GALM: variants seen among roughly 807,000 people sequenced by gnomAD.
The protein encoded by GALM is galactose mutarotase.
In GALM, 43 loss-of-function variants were observed where a neutral mutation model predicts 37.4. The observed-to-expected ratio is 1.15, with a 90% CI of 0.90 to 1.48. GALM has a LOEUF of 1.48. GALM is among the 40% of genes most tolerant of loss of function. GALM has a pLI of 0.00. For missense variants in GALM, 456 were observed against 419.1 expected, an observed-to-expected ratio of 1.09 and a Z score of -0.77; for synonymous variants, 199 against 170.6, an observed-to-expected ratio of 1.17 and a Z score of -1.30.
intron 3 of GALM, among the ~76,000 whole-genome samples, chr2:38,687,201 A>T (rs1236223088): frequency 6.6e-6 from 1 of 152,220 alleles, no homozygotes; most frequent in Non-Finnish European, 1.5e-5. Flanking sequence ...GCATGCGAGG[A>T]TGGCAGGAGA....
intron 4 of GALM, among the ~76,000 whole-genome samples, chr2:38,708,127 T>TAAAA (rs746452577): frequency 5.3e-4 from 78 of 148,550 alleles, no homozygotes; most frequent in Non-Finnish European, 1.1e-3. Flanking sequence ...TAAAATAAAA[T>TAAAA]AAAATAAAAT....
intron 4 of GALM, among the ~76,000 whole-genome samples, chr2:38,709,310 A>G (rs913885010): frequency 1.3e-5 from 2 of 152,156 alleles, no homozygotes; most frequent in Non-Finnish European, 2.9e-5. Flanking sequence ...GGGTAACTGA[A>G]AGGTGAACTT....
chr2:38,699,914 G>C (rs1665881827), intron 4 of GALM, among the ~76,000 whole-genome samples: 1 of 152,184 alleles, frequency 6.6e-6, no homozygotes, highest in African/African-American at 2.4e-5. Context: ...TCTGTTGGAT[G>C]AAATGTTCTG....
rs1043816206 is a variant in GALM, at chr2:38,697,436, C to T, written c.634+7542C>T. On this transcript the variant is annotated intron_variant, in intron 4 of 6. Coordinates refer to ENST00000272252, the MANE Select transcript of GALM (RefSeq NM_138801.3). ...TCCCTTTTGTGGCTATTAATTTATACTTATATGTTTTTCAACTCCTTATTT... is the reference window on the plus strand; with the variant it reads ...TCCCTTTTGTGGCTATTAATTTATATTTATATGTTTTTCAACTCCTTATTT... 9.9e-5 allele frequency among the ~76,000 whole-genome samples: 15 copies of T among 152,210 alleles called. No homozygotes were observed. The East Asian group carries it at 1.3e-3, about 14-fold the overall frequency.
chr2:38,703,054 T>TTTTATATGTATATATATATATATA (rs1217839668), intron 4 of GALM, among the ~76,000 whole-genome samples: 1 of 13,944 alleles, frequency 7.2e-5, no homozygotes, highest in African/African-American at 2.0e-4. Flanking sequence ...ATGTGGGATT[T>TTTTATATGTATATATATATATATA]TATATATATA....
chr2:38,674,800 A>T (rs1665201502), intron 1 of GALM, among the ~76,000 whole-genome samples: 1 of 152,210 alleles, frequency 6.6e-6, no homozygotes, highest in East Asian at 1.9e-4. Context: ...CTTCAACCAT[A>T]GTTTTGCTTC....
At chr2:38,700,217 A>G (rs530562096) in intron 4 of GALM, among the ~76,000 whole-genome samples, 2 of 152,184 alleles carry the variant, frequency 1.3e-5, no homozygotes, top group East Asian at 1.9e-4. Flanking sequence ...CTCCCAACGT[A>G]CTAGGATAAC....
chr2:38,695,733 G>A (rs889747348), intron 4 of GALM, among the ~76,000 whole-genome samples: 6 of 152,282 alleles, frequency 3.9e-5, no homozygotes, highest in African/African-American at 1.4e-4. Context: ...TCACTCTGTT[G>A]CCCAGGCTGG....
chr2:38,733,785 G>A lies in GALM; in HGVS notation c.*220G>A, dbSNP rs3731838. ...GCTCGATTCCCTGTGCAGTTCAGAG[G>A]GCAAGTGAACCCAACCAACAATGTC... On this transcript the variant is annotated 3_prime_UTR_variant, in exon 7 of 7. Transcript: ENST00000272252. 317,483 of 532,322 alleles carry A rather than the reference G, an allele frequency of 0.6. 89,364 individuals carry two copies. Among genetic ancestry groups the A allele is most frequent in the East Asian group, 0.87 (24,493 of 28,178 alleles). 33.0% of individuals were successfully genotyped at this position (532,322 alleles called of 1,614,324 possible).
chr2:38,729,748 C>A lies in GALM; in HGVS notation c.776+51C>A, dbSNP rs778897242. The A allele has an allele frequency of 2.0e-6, 3 of 1,504,804 alleles. No homozygotes were observed. The East Asian group carries it at 6.9e-5, about 35-fold the overall frequency. 93.2% of individuals were successfully genotyped at this position (1,504,804 alleles called of 1,614,324 possible). ...CTGTAAGGAAGAAATGACACCAAGTCCTATTTTCCTTTGGAGCTTTTCCTC... is the reference window on the plus strand; with the variant it reads ...CTGTAAGGAAGAAATGACACCAAGTACTATTTTCCTTTGGAGCTTTTCCTC... On this transcript the variant is annotated intron_variant, in intron 5 of 6. Coordinates refer to ENST00000272252, the MANE Select transcript of GALM (RefSeq NM_138801.3).
chr2:38,724,425 G>C (rs559584953), intron 4 of GALM, among the ~76,000 whole-genome samples: 1 of 152,316 alleles, frequency 6.6e-6, no homozygotes, highest in South Asian at 2.1e-4. Flanking sequence ...GAATATTCTT[G>C]AACGATCAAT....
At chr2:38,680,339 AAATAAACTCTTCTTCAT>A (rs1322733458) in intron 2 of GALM, among the ~76,000 whole-genome samples, 1 of 152,196 alleles carries the variant, frequency 6.6e-6, no homozygotes, top group Non-Finnish European at 1.5e-5. Context: ...AAAACTTTAA[AAATAAACTCTTCTTCAT>A]ACTTTTTTTT....
At chr2:38,701,843 T>C (rs760763998) in intron 4 of GALM, among the ~76,000 whole-genome samples, 1 of 152,192 alleles carries the variant, frequency 6.6e-6, no homozygotes, top group Non-Finnish European at 1.5e-5. Context: ...TGTTAATCTT[T>C]CTGGAGCTCC....
chr2:38,732,894 G>C lies in GALM; in HGVS notation c.952-594G>C, dbSNP rs562024544. ...TGATCACACCACTGCACTCCAGCCT[G>C]TGCAACAGAATGAGACCCTGTCTTT... On this transcript the variant is annotated intron_variant, in intron 6 of 6. Transcript: ENST00000272252. Among the ~76,000 whole-genome samples, 9 of 144,862 alleles carry C rather than the reference G, an allele frequency of 6.2e-5. No homozygotes were observed. In the East Asian group the frequency reaches 1.4e-3, roughly 23 times the overall value.
At chr2:38,729,730 G>GA in intron 5 of GALM, 33 bp downstream of exon 5, 1 of 1,582,988 alleles carries the variant, frequency 6.3e-7, no homozygotes, top group Non-Finnish European at 8.7e-7. Flanking sequence ...AGTCTGTAAG[G>GA]AAGAAATGAC....
chr2:38,718,274 A>C (rs1294330958), intron 4 of GALM, among the ~76,000 whole-genome samples: 2 of 139,782 alleles, frequency 1.4e-5, no homozygotes, highest in African/African-American at 5.3e-5. Flanking sequence ...ATCTCGGCCC[A>C]CTGCAACCTC....
chr2:38,715,325 A>G (rs1666248765), intron 4 of GALM, among the ~76,000 whole-genome samples: 3 of 152,360 alleles, frequency 2.0e-5, no homozygotes, highest in East Asian at 1.9e-4. Flanking sequence ...GCAAGTCTGT[A>G]TATTTCAGTG....
At chr2:38,711,572 C>A (rs1666161485) in intron 4 of GALM, among the ~76,000 whole-genome samples, 1 of 151,790 alleles carries the variant, frequency 6.6e-6, no homozygotes, top group African/African-American at 2.4e-5. Flanking sequence ...CAGTTATTAT[C>A]ATAATAATTA....
chr2:38,704,834 C>T (rs528983361), intron 4 of GALM, among the ~76,000 whole-genome samples: 2 of 152,232 alleles, frequency 1.3e-5, no homozygotes, highest in African/African-American at 4.8e-5. Context: ...TGCAAAAACT[C>T]CAAGGACCTC....
Sources: gnomAD v4.1 joint callset for allele counts (sites outside exome capture counted in the v4.1 genomes callset) on GRCh38, gnomAD v4.1.1 for gene constraint, MANE v1.5 for transcripts, NCBI Gene and HGNC (gene_info 2026-07-23, HGNC 2026-07-21) for gene names.